The following KCNJ13 variants were observed in gnomAD, a reference collection of about 807,000 sequenced individuals.
The protein encoded by KCNJ13 is inward rectifier potassium channel 13.
In KCNJ13, 9 loss-of-function variants were observed where a neutral mutation model predicts 24.6. That is an observed-to-expected ratio of 0.37 (90% CI 0.22 to 0.64). KCNJ13 has a LOEUF of 0.64. Among genes scored for constraint, KCNJ13 ranks in the 30% least tolerant of loss-of-function variants. The pLI is 0.64. For missense variants in KCNJ13, 337 were observed against 443.8 expected (o/e 0.76, Z 2.16); for synonymous variants, 148 against 154.7 (o/e 0.96, Z 0.32).
rs1268763836 is a variant in KCNJ13, at chr2:232,771,147, T to C, written c.216A>G (p.Ala72=). Residue 72 remains alanine, a synonymous_variant, in exon 2 of 3, where the codon GCA becomes GCG. Transcript: ENST00000233826. The part of the protein sequence containing the change: ...ASFVVHWLVF[A]VLWYVLAEMN... ...TCTCAGCCAGAACATACCAGAGCACTGCAAAGACAAGCCAGTGGACAACAA... is the reference window on the plus strand; with the variant it reads ...TCTCAGCCAGAACATACCAGAGCACCGCAAAGACAAGCCAGTGGACAACAA... 6.2e-7 allele frequency: 1 copy of C among 1,614,086 alleles called. No individual in the cohort carries two copies. The highest frequency in any genetic ancestry group is 1.1e-5 in the South Asian group (1 of 91,084).
chr2:232,771,524 A>G (rs1699246035), intron 1 of KCNJ13, 146 bp from the exon 2 acceptor site: 2 of 552,636 alleles, frequency 3.6e-6, no homozygotes, highest in African/African-American at 3.7e-5. Context: ...TTCACGTTAG[A>G]TGGCATTTAC....
In KCNJ13 at chr2:232,771,048, A is replaced by G. The variant is rs771011732; in HGVS notation, c.315T>C (p.Ser105=). ...NHTICVKYIT[S]FTAAFSFSLE... ...GGGAGAAGGAGAATGCAGCTGTGAA[A>G]CTGGTGATATACTTGACACAGATAG... The change falls in exon 2 of 3, where the codon AGT becomes AGC. Residue 105 remains serine, a synonymous_variant. Transcript: ENST00000233826. 4.3e-6 allele frequency: 7 copies of G among 1,614,044 alleles called. No homozygotes were observed. In the East Asian group the frequency reaches 1.1e-4, roughly 26 times the overall value.
Position 232,771,182 on chromosome 2 carries a change from A to C in KCNJ13, c.181T>G (p.Ser61Ala). Residue 61 changes from serine to alanine, a missense_variant, in exon 2 of 3, where the codon TCT (serine) becomes GCT (alanine). Coordinates refer to ENST00000233826, the MANE Select transcript of KCNJ13 (RefSeq NM_002242.4). Reference sequence around the variant, plus strand: ...AGCCAGTGGACAACAAAAGAAGCAGAAAAGACCAACATCATCCAACGCCAG... The same window carrying C: ...AGCCAGTGGACAACAAAAGAAGCAGCAAAGACCAACATCATCCAACGCCAG... ...MRWRWMMLVF[S>A]ASFVVHWLVF... 3 of 1,613,950 alleles carry C rather than the reference A, an allele frequency of 1.9e-6. No homozygotes were observed. Among genetic ancestry groups the C allele is most frequent in the Non-Finnish European group, 2.5e-6 (3 of 1,179,832 alleles).
chr2:232,771,325 A>G lies in KCNJ13; in HGVS notation c.38T>C (p.Leu13Pro), dbSNP rs1344890602. Residue 13 changes from leucine to proline, a missense_variant, in exon 2 of 3, where the codon CTA becomes CCA. Physicochemically the swap from Leu to Pro is moderately conservative, Grantham distance 98 (BLOSUM62 -3). Coordinates refer to ENST00000233826, the MANE Select transcript of KCNJ13 (RefSeq NM_002242.4). ...GACCATCCTCCGGTATCTTTGACTT[A>G]GGAGAGGAGCAATAACTTTGCAATT... ...SSNCKVIAPL[L>P]SQRYRRMVTK... The G allele has an allele frequency of 6.2e-7, 1 of 1,612,610 alleles. No individual in the cohort carries two copies. The highest frequency in any genetic ancestry group is 1.3e-5 in the African/African-American group (1 of 75,006).
chr2:232,773,927 A>G (rs960325072), intron 1 of KCNJ13, among the ~76,000 whole-genome samples: 2 of 150,692 alleles, frequency 1.3e-5, no homozygotes, highest in African/African-American at 4.9e-5. Flanking sequence ...AAAAAAAAAA[A>G]AAAAAAGGTG....
At chr2:232,768,985 T>C (rs1273362798) in intron 2 of KCNJ13, among the ~76,000 whole-genome samples, 172 bp from the exon 3 acceptor site, 1 of 152,176 alleles carries the variant, frequency 6.6e-6, no homozygotes, top group Non-Finnish European at 1.5e-5. Flanking sequence ...CTGAAGCATT[T>C]TTCAAAGTAC....
chr2:232,774,072 G>A (rs1254725258), intron 1 of KCNJ13, among the ~76,000 whole-genome samples: 5 of 151,618 alleles, frequency 3.3e-5, no homozygotes, highest in African/African-American at 7.3e-5. Context: ...GCTTGAGGTC[G>A]GGAATTCAAG....
At position 232,771,172 on chromosome 2, in the gene KCNJ13, AAAG is replaced by A; in HGVS notation, c.188_190del (p.Ser63del). The A allele has an allele frequency of 6.2e-7, 1 of 1,613,984 alleles. No individual in the cohort carries two copies. The highest frequency in any genetic ancestry group is 8.5e-7 in the Non-Finnish European group (1 of 1,179,880). ...TGCAAAGACAAGCCAGTGGACAACAAAAGAAGCAGAAAAGACCAACATCATCCA... is the reference window on the plus strand; with the variant it reads ...TGCAAAGACAAGCCAGTGGACAACAAAAGCAGAAAAGACCAACATCATCCA... On this transcript the variant is annotated inframe_deletion, in exon 2 of 3. Transcript: ENST00000233826.
intron 1 of KCNJ13, among the ~76,000 whole-genome samples, chr2:232,773,493 C>T (rs368820716): frequency 1.6e-4 from 24 of 151,876 alleles, no homozygotes; most frequent in African/African-American, 1.9e-4. Context: ...ATACAGGAAG[C>T]GTTTGGTGAA....
At chr2:232,771,595 T>C (rs1467218061) in intron 1 of KCNJ13, among the ~76,000 whole-genome samples, 1 of 152,220 alleles carries the variant, frequency 6.6e-6, no homozygotes, top group Non-Finnish European at 1.5e-5. Context: ...TATTGTTTCT[T>C]TGAATGACAG....
Position 232,766,310 on chromosome 2 carries a change from A to T in KCNJ13, c.*1881T>A, listed in dbSNP as rs369335960. 1.4e-4 allele frequency among the ~76,000 whole-genome samples: 22 copies of T among 152,268 alleles called. No individual in the cohort carries two copies. The East Asian group carries it at 3.1e-3, about 21-fold the overall frequency. ...TTTTCAAATGCCAAATTTATTATAA[A>T]CAGTAAGTATAATATGAAACTCATC... On this transcript the variant is annotated 3_prime_UTR_variant, in exon 3 of 3. Coordinates refer to ENST00000233826, the MANE Select transcript of KCNJ13 (RefSeq NM_002242.4).
intron 1 of KCNJ13, 167 bp downstream of exon 1, chr2:232,776,278 A>G (rs1574869772): frequency 1.0e-5 from 5 of 499,016 alleles, no homozygotes; most frequent in Non-Finnish European, 1.8e-5. Flanking sequence ...TTGCATTTTT[A>G]AGATTTAAGG....
intron 1 of KCNJ13, among the ~76,000 whole-genome samples, chr2:232,775,487 T>G (rs1699474403): frequency 6.6e-6 from 1 of 152,208 alleles, no homozygotes; most frequent in South Asian, 2.1e-4. Context: ...CTCGTATGGT[T>G]TAAAAAATTA....
intron 1 of KCNJ13, among the ~76,000 whole-genome samples, chr2:232,773,660 G>A (rs1221295415): frequency 6.6e-6 from 1 of 152,006 alleles, no homozygotes; most frequent in Non-Finnish European, 1.5e-5. Flanking sequence ...TCTTTAGATA[G>A]TAATGATTAA....
Position 232,771,238 on chromosome 2 carries a change from C to T in KCNJ13, c.125G>A (p.Arg42Gln). The change falls in exon 2 of 3, where the codon CGA (arginine) becomes CAA (glutamine). Residue 42 changes from arginine (R) to glutamine (Q), a missense_variant. Physicochemically the swap from Arg to Gln is conservative, Grantham distance 43. Around this residue, in one of 3 missense-constraint regions of KCNJ13, gnomAD observed 101 missense variants for 139.2 expected, o/e 0.73. Coordinates refer to ENST00000233826, the MANE Select transcript of KCNJ13 (RefSeq NM_002242.4). ...GTCCATTAGGATTCCCCAAGCATCTCGAAGATATGCAAGACCTCTTTGAGC... is the reference window on the plus strand; with the variant it reads ...GTCCATTAGGATTCCCCAAGCATCTTGAAGATATGCAAGACCTCTTTGAGC... ...DGAQRGLAYL[R>Q]DAWGILMDMR... is the part of the protein sequence containing the mutation. 1 of 1,610,022 alleles carries T rather than the reference C, an allele frequency of 6.2e-7. No individual in the cohort carries two copies. The highest frequency in any genetic ancestry group is 8.5e-7 in the Non-Finnish European group (1 of 1,176,932).
chr2:232,767,889 C>T lies in KCNJ13; in HGVS notation c.*302G>A. 5.8e-6 allele frequency: 2 copies of T among 346,858 alleles called. No homozygotes were observed. Among genetic ancestry groups the T allele is most frequent in the Non-Finnish European group, 1.1e-5 (2 of 184,880 alleles). 21.5% of individuals were successfully genotyped at this position (346,858 alleles called of 1,614,324 possible). On this transcript the variant is annotated 3_prime_UTR_variant, in exon 3 of 3. Coordinates refer to ENST00000233826, the MANE Select transcript of KCNJ13 (RefSeq NM_002242.4). ...TTCAGTTGTGTTAAACTTCACTGTC[C>T]ATTTTGCCTTCATTACTAGTATCAT... is the stretch of plus-strand genomic sequence containing the variant.
chr2:232,771,983 T>G (rs977394100), intron 1 of KCNJ13, among the ~76,000 whole-genome samples: 9 of 152,176 alleles, frequency 5.9e-5, no homozygotes, highest in Non-Finnish European at 1.0e-4. Context: ...CAGAGTTTGA[T>G]TTATTGATTT....
rs769160785 is a variant in KCNJ13 at position 232,771,263 on chromosome 2, C to T, written c.100G>A (p.Ala34Thr). ...DGHSTLQMDG[A>T]QRGLAYLRDA... is the part of the protein sequence containing the mutation. ...CGAAGATATGCAAGACCTCTTTGAG[C>T]GCCATCCATTTGAAGTGTGCTGTGG... is the stretch of plus-strand genomic sequence containing the variant. The change falls in exon 2 of 3, where the codon GCT becomes ACT. Residue 34 changes from alanine to threonine, a missense_variant. Physicochemically the swap from Ala to Thr is moderately conservative, Grantham distance 58 (BLOSUM62 0). Around this residue, in one of 3 missense-constraint regions of KCNJ13, gnomAD observed 101 missense variants for 139.2 expected, o/e 0.73. Transcript: ENST00000233826. The T allele has an allele frequency of 4.4e-6, 7 of 1,607,856 alleles. No homozygotes were observed. Among genetic ancestry groups the T allele is most frequent in the East Asian group, 4.5e-5 (2 of 44,776 alleles).
chr2:232,773,489 G>T (rs562863942), intron 1 of KCNJ13, among the ~76,000 whole-genome samples: 11 of 151,878 alleles, frequency 7.2e-5, no homozygotes, highest in Non-Finnish European at 1.3e-4. Flanking sequence ...TTTAATACAG[G>T]AAGCGTTTGG....
Sources: allele counts gnomAD v4.1 joint callset (sites outside exome capture counted in the v4.1 genomes callset), GRCh38; gene constraint gnomAD v4.1.1; regional missense constraint gnomAD v4.1.1; transcripts MANE v1.5; gene names NCBI Gene and HGNC (gene_info 2026-07-23, HGNC 2026-07-21).